The following MAGI2 variants were observed in gnomAD, a reference collection of about 807,000 sequenced individuals.
The protein encoded by MAGI2 is membrane-associated guanylate kinase, WW and PDZ domain-containing protein 2.
A neutral mutation model predicts 133.3 loss-of-function variants in MAGI2; 35 were observed. The ratio of observed to expected loss-of-function variants is 0.26; its 90% CI spans 0.20 to 0.35. The LOEUF is 0.35. Among genes scored for constraint, MAGI2 ranks in the 10% least tolerant of loss-of-function variants. The pLI, the probability that MAGI2 is intolerant of heterozygous loss-of-function variation, is 1.00. For missense variants in MAGI2, 1,636 were observed against 1,863.4 expected, an observed-to-expected ratio of 0.88 and a Z score of 2.25; for synonymous variants, 729 against 710.6, an observed-to-expected ratio of 1.03 and a Z score of -0.41.
intron 6 of MAGI2, among the ~76,000 whole-genome samples, chr7:78,419,092 A>G (rs1367872708): frequency 1.3e-5 from 2 of 152,152 alleles, no homozygotes; most frequent in Non-Finnish European, 2.9e-5. Flanking sequence ...GAATTACTGC[A>G]TATGCAATGT....
intron 2 of MAGI2, among the ~76,000 whole-genome samples, chr7:78,906,150 T>C (rs1797978642): frequency 1.3e-5 from 2 of 152,210 alleles, no homozygotes; most frequent in African/African-American, 4.8e-5. Flanking sequence ...ATAATAAAAA[T>C]GTAGGCATGT....
chr7:78,553,816 G>A (rs899973809), intron 3 of MAGI2, among the ~76,000 whole-genome samples: 3 of 152,140 alleles, frequency 2.0e-5, no homozygotes, highest in Non-Finnish European at 4.4e-5. Flanking sequence ...TTTTAATTGT[G>A]TCTGCTATGA....
intron 2 of MAGI2, among the ~76,000 whole-genome samples, chr7:78,657,848 G>A (rs1812474853): frequency 6.6e-6 from 1 of 152,122 alleles, no homozygotes; most frequent in Non-Finnish European, 1.5e-5. Context: ...TATAACAAAT[G>A]TATCCCTCCA....
At chr7:78,777,149 C>A (rs1227018169) in intron 2 of MAGI2, among the ~76,000 whole-genome samples, 3 of 152,126 alleles carry the variant, frequency 2.0e-5, no homozygotes, top group Non-Finnish European at 2.9e-5. Flanking sequence ...AGTTTGATTA[C>A]CCCATTCTAA....
chr7:78,375,207 T>C (rs746166005), intron 6 of MAGI2, among the ~76,000 whole-genome samples: 1 of 152,164 alleles, frequency 6.6e-6, no homozygotes, highest in Non-Finnish European at 1.5e-5. Context: ...ATCTTACCTT[T>C]TATTTATTTT....
chr7:78,297,182 G>C (rs1797339559), intron 9 of MAGI2, among the ~76,000 whole-genome samples: 1 of 152,164 alleles, frequency 6.6e-6, no homozygotes, highest in Admixed American at 6.5e-5. Context: ...GGGAAAGGGA[G>C]GACAAAGAGC....
intron 6 of MAGI2, among the ~76,000 whole-genome samples, chr7:78,403,594 G>A (rs1797104446): frequency 6.6e-6 from 1 of 152,134 alleles, no homozygotes; most frequent in Non-Finnish European, 1.5e-5. Flanking sequence ...CACAATGGTT[G>A]AACTAGTTTA....
intron 5 of MAGI2, among the ~76,000 whole-genome samples, chr7:78,491,235 A>C (rs1793573058): frequency 6.6e-6 from 1 of 152,150 alleles, no homozygotes; most frequent in Non-Finnish European, 1.5e-5. Flanking sequence ...CTTTCAAGCC[A>C]GGAAAGAGGG....
chr7:78,429,159 G>T (rs938784658), intron 6 of MAGI2, among the ~76,000 whole-genome samples: 1 of 152,030 alleles, frequency 6.6e-6, no homozygotes, highest in Non-Finnish European at 1.5e-5. Context: ...AGTGGGAAAA[G>T]GTACTTCAAA....
intron 1 of MAGI2, among the ~76,000 whole-genome samples, chr7:79,378,926 G>GTGTA (rs1158436636): frequency 5.2e-4 from 49 of 94,554 alleles, no homozygotes; most frequent in African/African-American, 1.7e-3. Flanking sequence ...ATGTGTGTGT[G>GTGTA]TATATATATA....
At chr7:79,093,680 C>T (rs1005473289) in intron 1 of MAGI2, among the ~76,000 whole-genome samples, 2 of 135,038 alleles carry the variant, frequency 1.5e-5, no homozygotes, top group African/African-American at 3.0e-5. Context: ...CTTTTTCTTT[C>T]TCTTTCTCTT....
At chr7:78,332,608 G>C (rs916643096) in intron 9 of MAGI2, among the ~76,000 whole-genome samples, 1 of 151,672 alleles carries the variant, frequency 6.6e-6, no homozygotes, top group Admixed American at 6.6e-5. Context: ...TGAGGCAGGA[G>C]AATGGTGTGA....
At chr7:78,204,868 T>A (rs556526361) in intron 10 of MAGI2, among the ~76,000 whole-genome samples, 18 of 152,348 alleles carry the variant, frequency 1.2e-4, no homozygotes, top group African/African-American at 4.3e-4. Context: ...GATGCATTTT[T>A]AAAATTTATT....
At chr7:78,364,734 C>T (rs1201475529) in intron 7 of MAGI2, among the ~76,000 whole-genome samples, 6 of 152,132 alleles carry the variant, frequency 3.9e-5, no homozygotes, top group Non-Finnish European at 8.8e-5. Flanking sequence ...CAAAATGTAC[C>T]CTGCAGACAT....
At chr7:78,803,674 C>T (rs748935423) in intron 2 of MAGI2, among the ~76,000 whole-genome samples, 1 of 152,048 alleles carries the variant, frequency 6.6e-6, no homozygotes, top group Non-Finnish European at 1.5e-5. Flanking sequence ...AATGCTGACG[C>T]GTGTGTTGAA....
chr7:78,462,896 A>G (rs979934228), intron 6 of MAGI2, among the ~76,000 whole-genome samples: 1 of 152,160 alleles, frequency 6.6e-6, no homozygotes, highest in Non-Finnish European at 1.5e-5. Context: ...ACTTAACATG[A>G]AGATATTCTG....
At chr7:78,538,970 A>AC (rs1183998301) in intron 3 of MAGI2, among the ~76,000 whole-genome samples, 1 of 152,246 alleles carries the variant, frequency 6.6e-6, no homozygotes, top group Non-Finnish European at 1.5e-5. Context: ...TAAATGCACT[A>AC]CTTAAAAGAT....
chr7:78,453,518 CT>C (rs1400229515), intron 6 of MAGI2, among the ~76,000 whole-genome samples: 2 of 152,176 alleles, frequency 1.3e-5, no homozygotes, highest in African/African-American at 4.8e-5. Flanking sequence ...TATCTTAGGC[CT>C]CTTCTCTTTT....
intron 1 of MAGI2, among the ~76,000 whole-genome samples, chr7:79,279,182 C>T (rs1240970053): frequency 1.3e-5 from 2 of 152,078 alleles, no homozygotes; most frequent in Non-Finnish European, 2.9e-5. Context: ...TTTTTACAGG[C>T]TTCTCTCCTT....
Sources: gnomAD v4.1 joint callset for allele counts (sites outside exome capture counted in the v4.1 genomes callset) on GRCh38, gnomAD v4.1.1 for gene constraint, MANE v1.5 for transcripts, NCBI Gene and HGNC (gene_info 2026-07-23, HGNC 2026-07-21) for gene names.